The following DNMT3A variants were observed in gnomAD, a reference collection of about 807,000 sequenced individuals.
The protein encoded by DNMT3A is DNA (cytosine-5)-methyltransferase 3A.
DNMT3A carries 267 observed loss-of-function variants against 117.6 expected under a neutral mutation model. The ratio of observed to expected loss-of-function variants is 2.27; its 90% CI spans 2.05 to 2.51. DNMT3A has a LOEUF of 2.51. Ranked by LOEUF, DNMT3A falls within the 30% of genes most tolerant of loss-of-function variation. The pLI, the probability that DNMT3A is intolerant of heterozygous loss-of-function variation, is 0.00. For missense variants in DNMT3A, 1,029 were observed against 1,260.2 expected (o/e 0.82, Z 2.78); for synonymous variants, 432 against 474.8 (o/e 0.91, Z 1.17).
chr2:25,313,989 G>A lies in DNMT3A; in HGVS notation c.-5C>T. 1 of 1,541,164 alleles carries A rather than the reference G, an allele frequency of 6.5e-7. No homozygotes were observed. The highest frequency in any genetic ancestry group is 8.8e-7 in the Non-Finnish European group (1 of 1,141,962). ...GCTGGAGGGCATGGCGGGCATCTGGGCGCCGGGAGGCAGGCTGGGGCTGCG... is the reference window on the plus strand; with the variant it reads ...GCTGGAGGGCATGGCGGGCATCTGGACGCCGGGAGGCAGGCTGGGGCTGCG... On this transcript the variant is annotated 5_prime_UTR_variant, in exon 2 of 23. Transcript: ENST00000321117.
rs1294095650 is a variant in DNMT3A at position 25,326,735 on chromosome 2, C to A, written c.-177-12574G>T. 2.0e-5 allele frequency among the ~76,000 whole-genome samples: 3 copies of A among 152,236 alleles called. No homozygotes were observed. In the East Asian group the frequency reaches 5.8e-4, roughly 29 times the overall value. On this transcript the variant is annotated intron_variant, in intron 1 of 22. Transcript: ENST00000321117. Reference sequence around the variant, plus strand: ...TATGAAGCTTCCCAGCACCCAGCTCCTGTGCTGCTGCAGCTTCTCCAGCAT... The same window carrying A: ...TATGAAGCTTCCCAGCACCCAGCTCATGTGCTGCTGCAGCTTCTCCAGCAT...
At chr2:25,240,876 G>A in intron 17 of DNMT3A, 146 bp from the exon 18 acceptor site, 1 of 722,248 alleles carries the variant, frequency 1.4e-6, no homozygotes, top group East Asian at 2.7e-5. Context: ...CACGACCCTA[G>A]CTGCAACCAT....
chr2:25,278,822 G>A (rs771102411), intron 4 of DNMT3A, among the ~76,000 whole-genome samples: 4 of 150,400 alleles, frequency 2.7e-5, no homozygotes, highest in South Asian at 2.1e-4. Flanking sequence ...TGAATGAGAC[G>A]CTGTCTCAAA....
Position 25,327,245 on chromosome 2 carries a change from T to C in DNMT3A, c.-177-13084A>G, listed in dbSNP as rs1432050106. Among the ~76,000 whole-genome samples, 2 of 152,258 alleles carry C rather than the reference T, an allele frequency of 1.3e-5. No homozygotes were observed. Among genetic ancestry groups the C allele is most frequent in the Non-Finnish European group, 1.5e-5 (1 of 68,044 alleles). ...GAGTTAATAATTCGTTATGTGAAAC[T>C]TTCCTTGTTCCAATCACCATGTGGT... On this transcript the variant is annotated intron_variant, in intron 1 of 22. Transcript: ENST00000321117. This position sits in a 1 kb window ranked among gnomAD's most constrained non-coding sequence, Gnocchi z 4.1.
At chr2:25,264,137 T>TTTTTTTTTTTTG (rs2029978562) in intron 6 of DNMT3A, among the ~76,000 whole-genome samples, 1 of 126,328 alleles carries the variant, frequency 7.9e-6, no homozygotes, top group Non-Finnish European at 1.7e-5. Context: ...CTTTGGTTTT[T>TTTTTTTTTTTTG]TTTTTTTTTT....
At chr2:25,238,198 T>C (rs1044140145) in intron 20 of DNMT3A, among the ~76,000 whole-genome samples, 1 of 152,150 alleles carries the variant, frequency 6.6e-6, no homozygotes, top group Non-Finnish European at 1.5e-5. Context: ...AATATGCACA[T>C]GTATCTTGGG....
Position 25,252,077 on chromosome 2 carries a change from T to G in DNMT3A, c.640-3825A>C, listed in dbSNP as rs1001288807. The G allele has an allele frequency of 7.5e-7, 1 of 1,341,630 alleles. No individual in the cohort carries two copies. Among genetic ancestry groups the G allele is most frequent in the African/African-American group, 1.5e-5 (1 of 66,388 alleles). 83.1% of individuals were successfully genotyped at this position (1,341,630 alleles called of 1,614,324 possible). A position where few individuals can be genotyped will look rare whatever the true frequency, so the allele number is the denominator to read the frequency against. ...GGCCAGGCCGGGACGCCGCGGCTGC[T>G]GCGGGCCGGGGAGGCATACTTCACT... is the stretch of plus-strand genomic sequence containing the variant. On this transcript the variant is annotated intron_variant, in intron 6 of 22. Coordinates refer to ENST00000321117, the MANE Select transcript of DNMT3A (RefSeq NM_022552.5). The surrounding 1 kb of genome is among the most constrained non-coding windows in gnomAD (Gnocchi z 5.5).
At chr2:25,243,817 G>A (rs562279175) in intron 16 of DNMT3A, 81 bp downstream of exon 16, 92 of 1,435,898 alleles carry the variant, frequency 6.4e-5, no homozygotes, top group Non-Finnish European at 7.4e-5. Context: ...CCATCATTTC[G>A]TTTTGCCAGA....
Position 25,240,718 on chromosome 2 carries a change from C to G in DNMT3A, c.2095G>C (p.Gly699Arg), listed in dbSNP as rs763776241. 2 of 1,614,114 alleles carry G rather than the reference C, an allele frequency of 1.2e-6. No homozygotes were observed. Among genetic ancestry groups the G allele is most frequent in the Non-Finnish European group, 8.5e-7 (1 of 1,180,010 alleles). Residue 699 changes from glycine (G) to arginine (R), a missense_variant, in exon 18 of 23, where the codon GGC (glycine) becomes CGC (arginine). Gly to Arg is a moderately radical substitution (Grantham distance 125). Transcript: ENST00000321117. Reference protein sequence around the residue: ...SVTQKHIQEWGPFDLVIGGSP... With the variant: ...SVTQKHIQEWRPFDLVIGGSP... Reference sequence around the variant, plus strand: ...CCCCCAATCACCAGATCGAATGGGCCCCACTCCTGGATCTGGGAGGATAAA... The same window carrying G: ...CCCCCAATCACCAGATCGAATGGGCGCCACTCCTGGATCTGGGAGGATAAA...
intron 1 of DNMT3A, among the ~76,000 whole-genome samples, chr2:25,319,677 C>G (rs1040810213): frequency 6.6e-6 from 1 of 152,034 alleles, no homozygotes; most frequent in Non-Finnish European, 1.5e-5. Flanking sequence ...CCTCTGCTGT[C>G]GAACTGTCTT....
At chr2:25,238,270 G>A (rs533518278) in intron 20 of DNMT3A, among the ~76,000 whole-genome samples, 29 of 152,172 alleles carry the variant, frequency 1.9e-4, no homozygotes, top group Non-Finnish European at 3.8e-4. Flanking sequence ...CCCTCAACAA[G>A]CCCTCGATAG....
At chr2:25,313,774 G>T (rs2034248601) in intron 2 of DNMT3A, 139 bp downstream of exon 2, 1 of 1,302,228 alleles carries the variant, frequency 7.7e-7, no homozygotes, top group Non-Finnish European at 1.1e-6. Context: ...CCCAAACAGG[G>T]ATGTGATGGT....
In DNMT3A at chr2:25,244,335, G is replaced by T; in HGVS notation, c.1671C>A (p.Cys557Ter). Residue 557 changes from cysteine (C) to a stop codon, truncating the protein, a stop_gained, in exon 15 of 23, where the codon TGC (cysteine) becomes TGA (stop). Coordinates refer to ENST00000321117, the MANE Select transcript of DNMT3A (RefSeq NM_022552.5). LOFTEE classifies it high-confidence loss of function. ...AGAGGTCCACACACTCCACGCAAAA[G>T]CACCTGGAAGGAGACCCAGTGAGCA... ...LMCGNNNCCRCFCVECVDLLV... is the reference protein window; with the variant it reads ...LMCGNNNCCR 6.2e-7 allele frequency: 1 copy of T among 1,603,222 alleles called. No homozygotes were observed. Among genetic ancestry groups the T allele is most frequent in the Non-Finnish European group, 8.5e-7 (1 of 1,175,070 alleles).
Position 25,239,148 on chromosome 2 carries a change from T to C in DNMT3A, c.2390A>G (p.Asn797Ser), listed in dbSNP as rs767588813. 3 of 1,613,984 alleles carry C rather than the reference T, an allele frequency of 1.9e-6. No homozygotes were observed. The highest frequency in any genetic ancestry group is 2.5e-6 in the Non-Finnish European group (3 of 1,179,918). The change falls in exon 20 of 23, where the codon AAC (asparagine) becomes AGC (serine). Residue 797 changes from asparagine (N) to serine (S), a missense_variant. Physicochemically the swap from Asn to Ser is conservative, Grantham distance 46. Transcript: ENST00000321117. ...CACCAACCTGTTCATACCGGGAAGG[T>C]TACCCCAGAAGTAGCGGGCCCTGTG... ...AAHRARYFWG[N>S]LPGMNRPLAS...
intron 6 of DNMT3A, among the ~76,000 whole-genome samples, chr2:25,265,443 G>C (rs2030237519): frequency 6.6e-6 from 1 of 152,190 alleles, no homozygotes. Flanking sequence ...TGCCCATTGG[G>C]CCACTCCATC....
In DNMT3A at chr2:25,247,572, GC is replaced by G; in HGVS notation, c.1014+18del. On this transcript the variant is annotated intron_variant, in intron 8 of 22. Coordinates refer to ENST00000321117, the MANE Select transcript of DNMT3A (RefSeq NM_022552.5). The surrounding 1 kb of genome is among the most constrained non-coding windows in gnomAD (Gnocchi z 5.6). ...GAACCTTCCCCCACCCCAGGCTACT[GC>G]CAAACCCCACAACTTACCACTGAGA... 1.2e-6 allele frequency: 2 copies of G among 1,611,108 alleles called. No homozygotes were observed. Among genetic ancestry groups the G allele is most frequent in the South Asian group, 2.2e-5 (2 of 90,914 alleles).
At position 25,246,734 on chromosome 2, in the gene DNMT3A, C is replaced by T. The variant is rs1470594184; in HGVS notation, c.1165G>A (p.Asp389Asn). The T allele has an allele frequency of 1.1e-5, 17 of 1,613,760 alleles. No homozygotes were observed. The highest frequency in any genetic ancestry group is 6.6e-5 in the South Asian group (6 of 91,094). Reference sequence around the variant, plus strand: ...TTGGCAGTGTCACTCTCATCGCTGTCGTGGCACACCGGGAACAGCTTCCCC... The same window carrying T: ...TTGGCAGTGTCACTCTCATCGCTGTTGTGGCACACCGGGAACAGCTTCCCC... ...RAGKLFPVCH[D>N]SDESDTAKAV... The change falls in exon 10 of 23, where the codon GAC becomes AAC. Residue 389 changes from aspartate (D) to asparagine (N), a missense_variant. By Grantham distance (23) the Asp-to-Asn change is conservative. Coordinates refer to ENST00000321117, the MANE Select transcript of DNMT3A (RefSeq NM_022552.5).
chr2:25,299,124 G>C (rs1182118760), intron 3 of DNMT3A, among the ~76,000 whole-genome samples: 6 of 152,182 alleles, frequency 3.9e-5, no homozygotes, highest in African/African-American at 1.4e-4. Flanking sequence ...CTGGAAGGGG[G>C]GTAAAAGAAA....
chr2:25,326,104 A>ATGTGTGTGTGTGTG (rs1218749742), intron 1 of DNMT3A, among the ~76,000 whole-genome samples: 2 of 109,940 alleles, frequency 1.8e-5, no homozygotes, highest in African/African-American at 8.2e-5. Flanking sequence ...TTAACTTGAT[A>ATGTGTGTGTGTGTG]TATATGTGTG....
Sources: allele counts gnomAD v4.1 joint callset (sites outside exome capture counted in the v4.1 genomes callset), GRCh38; gene constraint gnomAD v4.1.1; non-coding constraint Gnocchi (gnomAD v3.1); transcripts MANE v1.5; gene names NCBI Gene and HGNC (gene_info 2026-07-23, HGNC 2026-07-21).